The following NREP variants were observed in gnomAD, a reference collection of about 807,000 sequenced individuals.
The protein encoded by NREP is neuronal regeneration related protein.
A neutral mutation model predicts 8.6 loss-of-function variants in NREP; 5 were observed. That is an observed-to-expected ratio of 0.58 (90% CI 0.30 to 1.22). The LOEUF (loss-of-function observed/expected upper bound fraction) is 1.22. NREP is among the 50% of genes most tolerant of loss of function. The probability of loss-of-function intolerance (pLI) is 0.07; values close to 1 mark genes in which losing one functional copy is unlikely to be tolerated. For missense variants in NREP, 86 were observed against 82.5 expected, an observed-to-expected ratio of 1.04 and a Z score of -0.17; for synonymous variants, 27 against 28.0, an observed-to-expected ratio of 0.96 and a Z score of 0.11.
chr5:111,902,466 CAG>C (rs1211595293), intron 2 of NREP, among the ~76,000 whole-genome samples: 3 of 152,018 alleles, frequency 2.0e-5, no homozygotes, highest in Admixed American at 2.0e-4. Context: ...ATAATTGTAA[CAG>C]GAGATGAAAC....
chr5:111,936,781 AG>A (rs2112608700), intron 2 of NREP, among the ~76,000 whole-genome samples: 1 of 152,252 alleles, frequency 6.6e-6, no homozygotes, highest in South Asian at 2.1e-4. Flanking sequence ...TGCACAGAAA[AG>A]TAATCGTAAC....
intron 2 of NREP, among the ~76,000 whole-genome samples, chr5:111,882,037 A>G (rs1281411414): frequency 6.6e-6 from 1 of 152,208 alleles, no homozygotes; most frequent in Non-Finnish European, 1.5e-5. Flanking sequence ...ACTCCGAGCT[A>G]CAGGAGGAAA....
intron 2 of NREP, among the ~76,000 whole-genome samples, chr5:111,839,558 T>G (rs867828489): frequency 4.6e-5 from 7 of 152,118 alleles, no homozygotes; most frequent in African/African-American, 1.4e-4. Flanking sequence ...GTATTTTTCT[T>G]TCCTTTCCTG....
chr5:111,736,479 A>AGAG (rs1184038861), intron 2 of NREP, among the ~76,000 whole-genome samples: 2 of 152,202 alleles, frequency 1.3e-5, no homozygotes, highest in African/African-American at 4.8e-5. Context: ...ACAACAATTA[A>AGAG]GAGTCACACC....
At chr5:111,778,554 C>A (rs976485750) in intron 2 of NREP, among the ~76,000 whole-genome samples, 1 of 152,116 alleles carries the variant, frequency 6.6e-6, no homozygotes, top group Non-Finnish European at 1.5e-5. Flanking sequence ...TACATGGAGT[C>A]AAAGTCCTTA....
intron 1 of NREP, among the ~76,000 whole-genome samples, chr5:111,975,579 G>A (rs1431127486): frequency 6.6e-6 from 1 of 152,174 alleles, no homozygotes; most frequent in Non-Finnish European, 1.5e-5. Context: ...CTCAAGGGAT[G>A]TAGGGTACTT....
At chr5:111,819,830 C>T (rs914847519) in intron 2 of NREP, among the ~76,000 whole-genome samples, 1 of 152,188 alleles carries the variant, frequency 6.6e-6, no homozygotes, top group Non-Finnish European at 1.5e-5. Context: ...GGCCTTCTTG[C>T]ACTTAGGAAT....
At chr5:111,882,633 C>T (rs976331338) in intron 2 of NREP, among the ~76,000 whole-genome samples, 13 of 152,302 alleles carry the variant, frequency 8.5e-5, no homozygotes, top group South Asian at 2.1e-4. Flanking sequence ...GCTGATCTCT[C>T]GGCAGAAACT....
chr5:111,884,689 C>T (rs1754189936), intron 2 of NREP, among the ~76,000 whole-genome samples: 1 of 152,084 alleles, frequency 6.6e-6, no homozygotes, highest in Non-Finnish European at 1.5e-5. Context: ...TCAATAAATG[C>T]AGTCCAGCAT....
At chr5:111,891,821 G>C (rs997506475) in intron 2 of NREP, among the ~76,000 whole-genome samples, 1 of 152,110 alleles carries the variant, frequency 6.6e-6, no homozygotes, top group Non-Finnish European at 1.5e-5. Context: ...AGCACCAAGG[G>C]CATGGTGCTG....
intron 2 of NREP, among the ~76,000 whole-genome samples, chr5:111,952,781 T>A (rs1227333152): frequency 6.6e-6 from 1 of 152,130 alleles, no homozygotes; most frequent in Admixed American, 6.6e-5. Context: ...TATTGTCCTG[T>A]AGTTATGCAA....
At chr5:111,903,049 A>G (rs1754685263) in intron 2 of NREP, among the ~76,000 whole-genome samples, 1 of 146,728 alleles carries the variant, frequency 6.8e-6, no homozygotes, top group Admixed American at 6.7e-5. Flanking sequence ...TTATCTTTTA[A>G]TTCTATTTTC....
At chr5:111,757,229 T>G (rs866194431), upstream of NREP, 3,892 of 181,168 alleles carry the variant, frequency 0.021, 200 homozygotes, top group African/African-American at 0.17. Flanking sequence ...AAAGACAGAT[T>G]GGGGGGGGAG....
chr5:111,820,615 C>A (rs1752494554), intron 2 of NREP, among the ~76,000 whole-genome samples: 1 of 151,492 alleles, frequency 6.6e-6, no homozygotes, highest in Non-Finnish European at 1.5e-5. Flanking sequence ...ACATATATGG[C>A]TGATCATAAA....
intron 2 of NREP, among the ~76,000 whole-genome samples, chr5:111,877,811 G>A (rs1753946475): frequency 7.0e-6 from 1 of 141,946 alleles, no homozygotes; most frequent in African/African-American, 3.0e-5. Context: ...TGAACTCTCA[G>A]GGAAGAAGCT....
At chr5:111,925,807 T>C (rs1755368605) in intron 2 of NREP, among the ~76,000 whole-genome samples, 1 of 152,202 alleles carries the variant, frequency 6.6e-6, no homozygotes, top group Admixed American at 6.5e-5. Flanking sequence ...TGTTTACTCT[T>C]CCATTCATCT....
At position 111,929,509 on chromosome 5, in the gene NREP, G is replaced by C. The variant is rs1755479918; in HGVS notation, c.135+45765C>G. The stretch of plus-strand genomic sequence containing the variant: ...TTCTGTACCACATGTTCTAAAGCTT[G>C]TGCTGGCCACATATATTTAGACAGT... On this transcript the variant is annotated intron_variant, in intron 2 of 3. Transcript: ENST00000395634. 2.6e-5 allele frequency among the ~76,000 whole-genome samples: 4 copies of C among 152,316 alleles called. No homozygotes were observed. The South Asian group carries it at 6.2e-4, about 24-fold the overall frequency.
At chr5:111,815,436 C>T (rs1362941651) in intron 2 of NREP, among the ~76,000 whole-genome samples, 1 of 151,814 alleles carries the variant, frequency 6.6e-6, no homozygotes, top group African/African-American at 2.4e-5. Flanking sequence ...TTATTAAAAA[C>T]TTTGTAATTC....
At chr5:111,783,474 T>C (rs1167142512) in intron 2 of NREP, among the ~76,000 whole-genome samples, 1 of 152,224 alleles carries the variant, frequency 6.6e-6, no homozygotes, top group Non-Finnish European at 1.5e-5. Flanking sequence ...AAATGAAAGT[T>C]AGTTAAGATA....
Sources: gnomAD v4.1 joint callset for allele counts (sites outside exome capture counted in the v4.1 genomes callset) on GRCh38, gnomAD v4.1.1 for gene constraint, MANE v1.5 for transcripts, NCBI Gene and HGNC (gene_info 2026-07-23, HGNC 2026-07-21) for gene names.